TRAF3: variants seen among roughly 807,000 people sequenced by gnomAD.
TRAF3 encodes the protein TNF receptor-associated factor 3.
In TRAF3, 13 loss-of-function variants were observed where a neutral mutation model predicts 62.3. That is an observed-to-expected ratio of 0.21 (90% CI 0.14 to 0.33). The LOEUF is 0.33. Ranked by LOEUF, TRAF3 falls within the 10% of genes least tolerant of loss-of-function variation. TRAF3 has a pLI of 1.00. For missense variants in TRAF3, 440 were observed against 741.8 expected (o/e 0.59, Z 4.73); for synonymous variants, 269 against 283.4 (o/e 0.95, Z 0.51).
intron 4 of TRAF3, among the ~76,000 whole-genome samples, chr14:102,873,689 A>G (rs1430802259): frequency 6.6e-6 from 1 of 152,038 alleles, no homozygotes; most frequent in East Asian, 1.9e-4. Context: ...AAACAGAGAC[A>G]TTTTGAGTAA....
intron 1 of TRAF3, among the ~76,000 whole-genome samples, chr14:102,787,519 CAAAAAAAAA>C (rs775633084): frequency 8.9e-6 from 1 of 112,852 alleles, no homozygotes; most frequent in Non-Finnish European, 1.9e-5. Flanking sequence ...TCTACTAAAC[CAAAAAAAAA>C]AAAAAAAAAT....
intron 1 of TRAF3, among the ~76,000 whole-genome samples, chr14:102,780,634 A>G (rs901575369): frequency 6.6e-6 from 1 of 151,902 alleles, no homozygotes; most frequent in Non-Finnish European, 1.5e-5. Flanking sequence ...TATCAACTTT[A>G]GGAATCAGGT....
intron 4 of TRAF3, among the ~76,000 whole-genome samples, chr14:102,873,051 T>C (rs1221825430): frequency 1.3e-5 from 2 of 152,250 alleles, no homozygotes; most frequent in Non-Finnish European, 2.9e-5. Context: ...CTTTGAGTAA[T>C]ATACCTAACC....
intron 2 of TRAF3, among the ~76,000 whole-genome samples, chr14:102,866,850 A>AC (rs1888021998): frequency 7.6e-6 from 1 of 132,226 alleles, no homozygotes; most frequent in Non-Finnish European, 1.5e-5. Flanking sequence ...ATCTCTTGAA[A>AC]ACACACACAC....
chr14:102,891,267 T>C, intron 8 of TRAF3, 58 bp from the exon 9 acceptor site: 1 of 1,524,158 alleles, frequency 6.6e-7, no homozygotes, highest in South Asian at 1.2e-5. Context: ...ATGTTAGCCG[T>C]TCTGCCCTTT....
At chr14:102,878,928 G>A (rs554856067) in intron 6 of TRAF3, among the ~76,000 whole-genome samples, 18 of 152,152 alleles carry the variant, frequency 1.2e-4, no homozygotes, top group East Asian at 3.9e-4. Context: ...AGGGTGGAGC[G>A]GTAGGATTGG....
intron 2 of TRAF3, among the ~76,000 whole-genome samples, chr14:102,844,847 C>T (rs1013286108): frequency 1.3e-5 from 2 of 151,306 alleles, no homozygotes; most frequent in Admixed American, 6.6e-5. Flanking sequence ...TTGAGACCAG[C>T]CTGGGCAACA....
chr14:102,863,352 C>T (rs1215809578), intron 2 of TRAF3, among the ~76,000 whole-genome samples: 1 of 152,124 alleles, frequency 6.6e-6, no homozygotes, highest in East Asian at 1.9e-4. Flanking sequence ...CATGTGTGGC[C>T]TCTGAGTTCT....
chr14:102,839,556 C>T (rs1886251204), intron 2 of TRAF3, among the ~76,000 whole-genome samples: 1 of 152,166 alleles, frequency 6.6e-6, no homozygotes, highest in Non-Finnish European at 1.5e-5. Flanking sequence ...TGTTTGGAGA[C>T]TGAGCACTTA....
At position 102,804,413 on chromosome 14, in the gene TRAF3, G is replaced by A. The variant is rs528030036; in HGVS notation, c.-156-25921G>A. 9.2e-5 allele frequency among the ~76,000 whole-genome samples: 14 copies of A among 152,280 alleles called. No homozygotes were observed. In the East Asian group the frequency reaches 1.3e-3, roughly 15 times the overall value. ...CCTAGCTTTCCACTGTGAGGCCGCCGTAGCAACAGAGGACAGTGGATGTGT... is the reference window on the plus strand; with the variant it reads ...CCTAGCTTTCCACTGTGAGGCCGCCATAGCAACAGAGGACAGTGGATGTGT... On this transcript the variant is annotated intron_variant, in intron 1 of 11. Transcript: ENST00000392745.
At chr14:102,817,659 T>A (rs1475287474) in intron 1 of TRAF3, among the ~76,000 whole-genome samples, 3 of 152,192 alleles carry the variant, frequency 2.0e-5, no homozygotes, top group Non-Finnish European at 4.4e-5. Flanking sequence ...ATTATAGGTA[T>A]GCTATGGAGT....
intron 7 of TRAF3, among the ~76,000 whole-genome samples, chr14:102,887,397 C>T (rs1196619108): frequency 6.6e-6 from 1 of 152,198 alleles, no homozygotes; most frequent in African/African-American, 2.4e-5. Flanking sequence ...TAGAGGAGGG[C>T]CCAGAGAGCC....
Position 102,906,050 on chromosome 14 carries a change from AAAGATCT to A in TRAF3, c.*268_*274del, listed in dbSNP as rs1392251874. ...AGAGAAGGTTTTCATTTTCATTTTT[AAAGATCT>A]AGTTAATTAAGGTGGAAAACATATA... On this transcript the variant is annotated 3_prime_UTR_variant, in exon 12 of 12. Coordinates refer to ENST00000392745, the MANE Select transcript of TRAF3 (RefSeq NM_145725.3). 6 of 403,274 alleles carry A rather than the reference AAAGATCT, an allele frequency of 1.5e-5. No homozygotes were observed. The East Asian group carries it at 2.5e-4, about 17-fold the overall frequency. 25.0% of individuals were successfully genotyped at this position (403,274 alleles called of 1,614,324 possible). A position where few individuals can be genotyped will look rare whatever the true frequency, so the allele number is the denominator to read the frequency against.
intron 6 of TRAF3, among the ~76,000 whole-genome samples, chr14:102,880,731 G>T (rs1036591267): frequency 2.6e-5 from 4 of 152,208 alleles, no homozygotes; most frequent in Non-Finnish European, 4.4e-5. Flanking sequence ...GTGATAGACT[G>T]GATAAAGAAA....
chr14:102,864,704 G>T (rs1437279794), intron 2 of TRAF3, among the ~76,000 whole-genome samples: 1 of 152,280 alleles, frequency 6.6e-6, no homozygotes, highest in African/African-American at 2.4e-5. Flanking sequence ...TGGGTTGAGG[G>T]CATGTTAGTA....
intron 1 of TRAF3, among the ~76,000 whole-genome samples, chr14:102,793,574 A>G (rs1471169556): frequency 6.6e-6 from 1 of 152,218 alleles, no homozygotes; most frequent in East Asian, 1.9e-4. Context: ...GGCTGGGATG[A>G]TGATGATTGT....
At chr14:102,870,480 C>G in intron 3 of TRAF3, 34 bp downstream of exon 3, 1 of 1,609,522 alleles carries the variant, frequency 6.2e-7, no homozygotes. Flanking sequence ...CGCCCGGCCC[C>G]TTCTCAGCCC....
At chr14:102,811,436 G>A (rs1245512120) in intron 1 of TRAF3, among the ~76,000 whole-genome samples, 4 of 151,248 alleles carry the variant, frequency 2.6e-5, no homozygotes, top group African/African-American at 4.9e-5. Flanking sequence ...AGCAGTTTTC[G>A]CCTCAGCCTC....
chr14:102,818,362 C>G (rs149518946), intron 1 of TRAF3, among the ~76,000 whole-genome samples: 81 of 152,264 alleles, frequency 5.3e-4, no homozygotes, highest in Non-Finnish European at 1.6e-4. Context: ...GTTCTTCAGC[C>G]TTCTTAGTAG....
Sources: allele counts gnomAD v4.1 joint callset (sites outside exome capture counted in the v4.1 genomes callset), GRCh38; gene constraint gnomAD v4.1.1; transcripts MANE v1.5; gene names NCBI Gene and HGNC (gene_info 2026-07-23, HGNC 2026-07-21).